The following TAPBPL variants were observed in gnomAD, a reference collection of about 807,000 sequenced individuals.
TAPBPL encodes tapasin-related protein.
A neutral mutation model predicts 44.8 loss-of-function variants in TAPBPL; 32 were observed. The observed-to-expected ratio is 0.71, with a 90% CI of 0.54 to 0.96. The LOEUF is 0.96. TAPBPL is among the 40% of genes least tolerant of loss of function. The probability of loss-of-function intolerance (pLI) is 0.00; values close to 1 mark genes in which losing one functional copy is unlikely to be tolerated. For synonymous variants in TAPBPL, 230 were observed against 240.7 expected (o/e 0.96, Z 0.41); for missense variants, 520 against 586.6 (o/e 0.89, Z 1.17).
At position 6,452,104 on chromosome 12, in the gene TAPBPL, G is replaced by A. The variant is rs966308500; in HGVS notation, c.-145G>A. On this transcript the variant is annotated 5_prime_UTR_variant, in exon 1 of 7. Transcript: ENST00000266556. The stretch of plus-strand genomic sequence containing the variant: ...TCTAAGTGAAAGTGAAAGAAAAGTC[G>A]GCAGCAGAGGGAACAGGGAAGAAAC... 5 of 951,900 alleles carry A rather than the reference G, an allele frequency of 5.3e-6. No homozygotes were observed. Among genetic ancestry groups the A allele is most frequent in the Admixed American group, 2.4e-5 (1 of 41,944 alleles). 59.0% of individuals were successfully genotyped at this position (951,900 alleles called of 1,614,324 possible).
At chr12:6,465,705 C>T (rs537983928), downstream of TAPBPL, 323 of 1,249,518 alleles carry the variant, frequency 2.6e-4, 1 homozygote, top group African/African-American at 4.5e-3. Flanking sequence ...GGAGGCTTTC[C>T]AGATTTCCTC....
intron 5 of TAPBPL, 108 bp from the exon 6 acceptor site, chr12:6,460,747 A>G: frequency 1.9e-6 from 2 of 1,044,492 alleles, no homozygotes; most frequent in Non-Finnish European, 2.9e-6. Flanking sequence ...CCAGGGACTC[A>G]CACACACAAT....
At chr12:6,466,487 AG>A (rs1295137406), downstream of TAPBPL, 2 of 900,954 alleles carry the variant, frequency 2.2e-6, no homozygotes, top group East Asian at 5.5e-5. Flanking sequence ...GTTCGAGGCC[AG>A]CCTGGGCATC....
chr12:6,460,300 C>G (rs1949815425), intron 5 of TAPBPL, among the ~76,000 whole-genome samples: 1 of 152,160 alleles, frequency 6.6e-6, no homozygotes. Context: ...GGGTCTCACT[C>G]TGTCGCCCAG....
downstream of TAPBPL, chr12:6,463,504 G>A: frequency 5.8e-6 from 6 of 1,039,354 alleles, no homozygotes; most frequent in Non-Finnish European, 7.0e-6. This position sits in a 1 kb window ranked among gnomAD's most constrained non-coding sequence, Gnocchi z 4.0. Flanking sequence ...TTCATCAACA[G>A]GAAGAGAGGA....
chr12:6,465,671 A>G (rs766380304), downstream of TAPBPL, among the ~76,000 whole-genome samples: 4 of 151,956 alleles, frequency 2.6e-5, no homozygotes, highest in Non-Finnish European at 4.4e-5. Flanking sequence ...CTGGTGGCCA[A>G]TTCTGGGTAA....
chr12:6,464,931 A>G (rs901075787), downstream of TAPBPL: 8 of 1,613,878 alleles, frequency 5.0e-6, no homozygotes, highest in South Asian at 1.1e-5. Flanking sequence ...GGCTCCCAGC[A>G]TGATCATCAT....
chr12:6,468,090 C>T (rs552903461), downstream of TAPBPL, among the ~76,000 whole-genome samples: 5 of 152,354 alleles, frequency 3.3e-5, no homozygotes, highest in South Asian at 2.1e-4. Flanking sequence ...AGAGTCCCCA[C>T]TGGAACACTG....
Position 6,457,683 on chromosome 12 carries a change from C to T in TAPBPL, c.843C>T (p.Tyr281=), listed in dbSNP as rs1257990757. 6.2e-7 allele frequency: 1 copy of T among 1,612,944 alleles called. No homozygotes were observed. Among genetic ancestry groups the T allele is most frequent in the South Asian group, 1.1e-5 (1 of 90,996 alleles). The change falls in exon 4 of 7, where the codon TAC becomes TAT. Residue 281 remains tyrosine, a synonymous_variant. Transcript: ENST00000266556. ...TCACTATACAGGACGAGGGGACCTA[C>T]ATTTGCCAGATCACCACCTCTCTGT... ...PGLTIQDEGT[Y]ICQITTSLYR...
downstream of TAPBPL, among the ~76,000 whole-genome samples, chr12:6,467,412 T>C (rs554411042): frequency 3.9e-5 from 6 of 152,126 alleles, no homozygotes; most frequent in Non-Finnish European, 8.8e-5. Context: ...CAGATGGAGA[T>C]GAGGAACTTG....
chr12:6,464,052 T>TC, downstream of TAPBPL: 2 of 1,297,602 alleles, frequency 1.5e-6, no homozygotes, highest in Non-Finnish European at 2.0e-6. Flanking sequence ...TCCCAGCCCC[T>TC]CCCTAGCTCC....
downstream of TAPBPL, chr12:6,470,691 C>T: frequency 4.5e-6 from 4 of 887,146 alleles, no homozygotes; most frequent in Non-Finnish European, 7.1e-6. Flanking sequence ...GCTGCCGCGC[C>T]GGCCTCCGCC....
At chr12:6,461,170 AGAG>A (rs908453649) in intron 6 of TAPBPL, 3 of 1,358,264 alleles carry the variant, frequency 2.2e-6, no homozygotes, top group African/African-American at 3.0e-5. Flanking sequence ...GTAGAAAGAA[AGAG>A]TAGTCACGTG....
downstream of TAPBPL, chr12:6,463,617 C>T: frequency 9.3e-7 from 1 of 1,078,814 alleles, no homozygotes; most frequent in Non-Finnish European, 1.1e-6. The surrounding 1 kb of genome is among the most constrained non-coding windows in gnomAD (Gnocchi z 4.0). Context: ...CAGGCAATCT[C>T]TCTCTTTATG....
intron 5 of TAPBPL, among the ~76,000 whole-genome samples, chr12:6,460,238 T>G (rs1310266915): frequency 1.3e-5 from 2 of 152,184 alleles, no homozygotes; most frequent in Non-Finnish European, 2.9e-5. Context: ...AAATCCCAGT[T>G]AACTGGTGGT....
At chr12:6,465,373 A>ATTTATATAT (rs1565525991), downstream of TAPBPL, 3 of 104,214 alleles carry the variant, frequency 2.9e-5, no homozygotes, top group African/African-American at 8.8e-5. Context: ...TATATATATA[A>ATTTATATAT]ATGTATATAT....
In TAPBPL at chr12:6,457,516, G is replaced by C; in HGVS notation, c.676G>C (p.Glu226Gln). ...ACCGGGCTTGGACCTCATCAGTGTGGAGTGGCGACTGCAGCACAAGGGCAG... is the reference window on the plus strand; with the variant it reads ...ACCGGGCTTGGACCTCATCAGTGTGCAGTGGCGACTGCAGCACAAGGGCAG... ...MAPGLDLISV[E>Q]WRLQHKGRGQ... The change falls in exon 4 of 7, where the codon GAG (glutamate) becomes CAG (glutamine). Residue 226 changes from glutamate to glutamine, a missense_variant. Physicochemically the swap from Glu to Gln is conservative, Grantham distance 29. Coordinates refer to ENST00000266556, the MANE Select transcript of TAPBPL (RefSeq NM_018009.5). The C allele has an allele frequency of 6.2e-7, 1 of 1,614,240 alleles. No homozygotes were observed. The highest frequency in any genetic ancestry group is 8.5e-7 in the Non-Finnish European group (1 of 1,180,038).
At chr12:6,462,696 G>T, downstream of TAPBPL, 1 of 966,364 alleles carries the variant, frequency 1.0e-6, no homozygotes. Context: ...TTCGCTCCAG[G>T]CTTGGGACAC....
At chr12:6,464,453 G>T (rs748627588), downstream of TAPBPL, 12 of 1,564,548 alleles carry the variant, frequency 7.7e-6, no homozygotes, top group African/African-American at 5.5e-5. Flanking sequence ...GGACAACAGG[G>T]AAGGGGTGGT....
Sources: gnomAD v4.1 joint callset for allele counts (sites outside exome capture counted in the v4.1 genomes callset) on GRCh38, gnomAD v4.1.1 for gene constraint, Gnocchi (gnomAD v3.1) non-coding constraint, MANE v1.5 for transcripts, NCBI Gene and HGNC (gene_info 2026-07-23, HGNC 2026-07-21) for gene names.